The following SIN3A variants were observed in gnomAD, a reference collection of about 807,000 sequenced individuals.
The protein encoded by SIN3A is SIN3 transcription regulator family member A.
SIN3A carries 14 observed loss-of-function variants against 146.1 expected under a neutral mutation model. The ratio of observed to expected loss-of-function variants is 0.10; its 90% confidence interval spans 0.06 to 0.15. The LOEUF (loss-of-function observed/expected upper bound fraction) is 0.15. Ranked by LOEUF, SIN3A falls within the 10% of genes least tolerant of loss-of-function variation. The pLI is 1.00. For missense variants in SIN3A, 1,028 were observed against 1,576.0 expected (o/e 0.65, Z 5.89); for synonymous variants, 572 against 572.0 (o/e 1.00, Z 0.00).
chr15:75,406,961 C>T, intron 9 of SIN3A, 94 bp downstream of exon 9: 2 of 802,280 alleles, frequency 2.5e-6, no homozygotes, highest in Non-Finnish European at 4.0e-6. Context: ...TCCTAATTAG[C>T]CTGACACCTT....
intron 1 of SIN3A, among the ~76,000 whole-genome samples, chr15:75,436,925 G>A (rs1302696578): frequency 1.3e-5 from 2 of 152,292 alleles, no homozygotes; most frequent in South Asian, 2.1e-4. Context: ...TTAGAACACA[G>A]GGGTATAGAG....
Position 75,390,970 on chromosome 15 carries a change from T to C in SIN3A, c.2852-1149A>G, listed in dbSNP as rs185613695. Among the ~76,000 whole-genome samples, 165 of 152,318 alleles carry C rather than the reference T, an allele frequency of 1.1e-3. 1 individual carries two copies. The highest frequency in any genetic ancestry group is 2.0e-3 in the Admixed American group (30 of 15,294). On this transcript the variant is annotated intron_variant, in intron 15 of 20. Coordinates refer to ENST00000394947, the MANE Select transcript of SIN3A (RefSeq NM_001145358.2). ...CTAATTGGTTACTTGCTAGTTGTGT[T>C]TGTGCTGGAGAAAAAAGGCTAGGAG...
At position 75,431,399 on chromosome 15, in the gene SIN3A, A is replaced by G. The variant is rs75768567; in HGVS notation, c.-33-991T>C. Among the ~76,000 whole-genome samples the G allele has an allele frequency of 5.4e-3, 816 of 152,308 alleles. 8 individuals carry two copies. Among genetic ancestry groups the G allele is most frequent in the African/African-American group, 0.019 (785 of 41,574 alleles). ...GGAGACAATTTCATTCCTGCAGGAC[A>G]CAGTAATCTACTTGGCCCAGTAATC... On this transcript the variant is annotated intron_variant, in intron 1 of 20. Coordinates refer to ENST00000394947, the MANE Select transcript of SIN3A (RefSeq NM_001145358.2).
rs1379717809 is a variant in SIN3A at position 75,412,878 on chromosome 15, T to C, written c.641A>G (p.His214Arg). The stretch of plus-strand genomic sequence containing the variant: ...TGGTTGAGGCTGTGGCTGGATGCCA[T>C]GGGTGGGAATCTGATGAACCTGGCC... ...TPGQVHQIPT[H>R]GIQPQPQPPP... The change falls in exon 5 of 21, where the codon CAT becomes CGT. Residue 214 changes from histidine (H) to arginine (R), a missense_variant. Coordinates refer to ENST00000394947, the MANE Select transcript of SIN3A (RefSeq NM_001145358.2). The C allele has an allele frequency of 1.2e-6, 2 of 1,613,518 alleles. No individual in the cohort carries two copies. Among genetic ancestry groups the C allele is most frequent in the South Asian group, 1.1e-5 (1 of 90,982 alleles).
intron 1 of SIN3A, among the ~76,000 whole-genome samples, chr15:75,438,512 C>T (rs777401407): frequency 3.3e-5 from 5 of 151,870 alleles, no homozygotes; most frequent in African/African-American, 7.3e-5. Context: ...AGTGAGACAC[C>T]GTCTCTACAA....
intron 4 of SIN3A, 120 bp downstream of exon 4, chr15:75,414,085 T>A: frequency 4.5e-6 from 2 of 441,516 alleles, no homozygotes; most frequent in Non-Finnish European, 3.8e-6. Context: ...AAAGGCATGA[T>A]TTTGAAAATT....
chr15:75,390,029 T>G (rs1369098916), intron 15 of SIN3A, among the ~76,000 whole-genome samples: 2 of 152,188 alleles, frequency 1.3e-5, no homozygotes, highest in African/African-American at 2.4e-5. Context: ...CTCTGCAACT[T>G]TAACAGTGGC....
At chr15:75,401,393 G>A (rs914169534) in intron 10 of SIN3A, among the ~76,000 whole-genome samples, 2 of 151,984 alleles carry the variant, frequency 1.3e-5, no homozygotes, top group Non-Finnish European at 2.9e-5. Context: ...TTAGCCGGGC[G>A]TGTGGTGACA....
intron 19 of SIN3A, among the ~76,000 whole-genome samples, chr15:75,377,230 C>T (rs2072878960): frequency 6.6e-6 from 1 of 152,172 alleles, no homozygotes; most frequent in African/African-American, 2.4e-5. Context: ...ATCCATTTTA[C>T]TTCCATGATT....
At chr15:75,394,121 A>G (rs111330876) in intron 14 of SIN3A, among the ~76,000 whole-genome samples, 162 of 152,276 alleles carry the variant, frequency 1.1e-3, no homozygotes, top group African/African-American at 3.8e-3. Context: ...TTAAGTTCAC[A>G]TAAGAGCTCA....
chr15:75,420,835 A>G (rs1289482087), intron 3 of SIN3A: 1 of 152,248 alleles, frequency 6.6e-6, no homozygotes, highest in Non-Finnish European at 1.5e-5. Context: ...TCCTCATCAG[A>G]AAGGAAATTC....
intron 1 of SIN3A, chr15:75,448,260 G>A (rs535303002): frequency 1.2e-4 from 19 of 152,254 alleles, no homozygotes; most frequent in Admixed American, 2.6e-4. Flanking sequence ...AGTACTTTGG[G>A]AGGCTGAGGC....
At chr15:75,426,428 T>C (rs1405161727) in intron 2 of SIN3A, among the ~76,000 whole-genome samples, 1 of 152,210 alleles carries the variant, frequency 6.6e-6, no homozygotes, top group Non-Finnish European at 1.5e-5. Flanking sequence ...CAAAACCATC[T>C]GACACAAACT....
chr15:75,444,370 G>A (rs1197313529), intron 1 of SIN3A, among the ~76,000 whole-genome samples: 1 of 152,148 alleles, frequency 6.6e-6, no homozygotes, highest in Non-Finnish European at 1.5e-5. Flanking sequence ...GAACCCAGGA[G>A]GCGGAGGTTG....
chr15:75,424,726 G>C (rs549614207), intron 2 of SIN3A, among the ~76,000 whole-genome samples: 1 of 152,176 alleles, frequency 6.6e-6, no homozygotes, highest in South Asian at 2.1e-4. Flanking sequence ...ACCTGCCTTG[G>C]CCTCCCAAAG....
intron 1 of SIN3A, among the ~76,000 whole-genome samples, chr15:75,431,387 T>TACCGTG (rs2074012057): frequency 6.6e-6 from 1 of 152,206 alleles, no homozygotes; most frequent in African/African-American, 2.4e-5. Context: ...GACAATTTCA[T>TACCGTG]TCCTGCAGGA....
intron 1 of SIN3A, among the ~76,000 whole-genome samples, chr15:75,442,143 A>C (rs1053664886): frequency 3.4e-5 from 5 of 149,036 alleles, no homozygotes; most frequent in South Asian, 2.1e-4. Flanking sequence ...AAAAAAAAAA[A>C]AAAAAAAAAA....
intron 5 of SIN3A, 87 bp downstream of exon 5, chr15:75,412,675 AT>A: frequency 7.8e-7 from 1 of 1,284,400 alleles, no homozygotes; most frequent in Non-Finnish European, 1.1e-6. Context: ...GTTTCTCAGT[AT>A]CTAAGTCTTA....
rs568559809 is a variant in SIN3A, at chr15:75,396,812, G to A, written c.1855-316C>T. Reference sequence around the variant, plus strand: ...CGTCGCTGCTGCCGCCACCACCACCGTGTGCTTTGCTTAGGACTACTGATT... The same window carrying A: ...CGTCGCTGCTGCCGCCACCACCACCATGTGCTTTGCTTAGGACTACTGATT... On this transcript the variant is annotated intron_variant, in intron 12 of 20. Transcript: ENST00000394947. Among the ~76,000 whole-genome samples the A allele has an allele frequency of 1.1e-4, 17 of 152,254 alleles. No homozygotes were observed. In the South Asian group the frequency reaches 3.1e-3, roughly 28 times the overall value.
Sources: gnomAD v4.1 joint callset for allele counts (sites outside exome capture counted in the v4.1 genomes callset) on GRCh38, gnomAD v4.1.1 for gene constraint, MANE v1.5 for transcripts, NCBI Gene and HGNC (gene_info 2026-07-23, HGNC 2026-07-21) for gene names.